Variants in RNF212B observed in about 807,000 individuals in gnomAD.
RNF212B encodes the protein ring finger protein 212B, also known as E3 ubiquitin-protein ligase RNF212B.
In RNF212B, 52 loss-of-function variants were observed where a neutral mutation model predicts 55.5. The observed-to-expected ratio is 0.94, with a 90% CI of 0.75 to 1.18. RNF212B has a LOEUF of 1.18. Among genes scored for constraint, RNF212B ranks in the 50% most tolerant of loss-of-function variants. The pLI is 0.00. For synonymous variants in RNF212B, 99 were observed against 121.4 expected (o/e 0.82, Z 1.21); for missense variants, 289 against 350.4 (o/e 0.82, Z 1.40).
chr14:23,245,017 T>G lies in RNF212B; in HGVS notation c.228+621T>G, dbSNP rs79400276. Among the ~76,000 whole-genome samples the G allele has an allele frequency of 3.3e-3, 497 of 152,326 alleles. 4 individuals carry two copies. The highest frequency in any genetic ancestry group is 0.011 in the African/African-American group (464 of 41,574). ...CAACCATTTGAGAGAGTTCCCAAGT[T>G]GTAAAAACTTTGGTTTTTTTCCTTC... is the stretch of plus-strand genomic sequence containing the variant. On this transcript the variant is annotated intron_variant, in intron 4 of 14. Coordinates refer to ENST00000430154, the MANE Select transcript of RNF212B (RefSeq NM_001282322.3).
At chr14:23,259,488 A>G (rs1182956723) in intron 5 of RNF212B, 1 of 143,930 alleles carries the variant, frequency 6.9e-6, no homozygotes, top group Non-Finnish European at 1.5e-5. Flanking sequence ...AAGCATTTAC[A>G]TGTTAACTTT....
intron 2 of RNF212B, among the ~76,000 whole-genome samples, chr14:23,200,894 C>T (rs1458446704): frequency 1.3e-5 from 2 of 152,156 alleles, no homozygotes; most frequent in East Asian, 3.8e-4. Context: ...TCTTATTGCA[C>T]TTATGCAACT....
chr14:23,208,940 A>G (rs1272844348), intron 2 of RNF212B, among the ~76,000 whole-genome samples: 2 of 151,122 alleles, frequency 1.3e-5, no homozygotes, highest in Non-Finnish European at 3.0e-5. Flanking sequence ...TTGTATTTTT[A>G]GTAGAGACGG....
intron 2 of RNF212B, among the ~76,000 whole-genome samples, chr14:23,222,862 G>T (rs960105983): frequency 3.3e-5 from 5 of 151,968 alleles, no homozygotes; most frequent in Admixed American, 6.6e-5. Context: ...AGACCTGCCT[G>T]GCTAACATGG....
intron 12 of RNF212B, 48 bp downstream of exon 12, chr14:23,269,011 ACT>A: frequency 6.7e-7 from 1 of 1,484,006 alleles, no homozygotes; most frequent in Non-Finnish European, 9.2e-7. Context: ...TCATACTTAA[ACT>A]CTGCCAGCAG....
intron 2 of RNF212B, among the ~76,000 whole-genome samples, chr14:23,199,151 G>A (rs1879029273): frequency 1.3e-5 from 2 of 152,302 alleles, no homozygotes; most frequent in African/African-American, 2.4e-5. Context: ...ACATGTGTCC[G>A]TGACAGCCTC....
upstream of RNF212B, among the ~76,000 whole-genome samples, chr14:23,234,440 C>T (rs1392423981): frequency 6.6e-6 from 1 of 151,938 alleles, no homozygotes; most frequent in Non-Finnish European, 1.5e-5. Flanking sequence ...CTATTATTTT[C>T]GTCTGGTACC....
intron 2 of RNF212B, among the ~76,000 whole-genome samples, chr14:23,221,259 C>A (rs73602407): frequency 6.7e-6 from 1 of 149,294 alleles, no homozygotes; most frequent in Non-Finnish European, 1.5e-5. Context: ...GAAAGAAACA[C>A]GCTTCACTTA....
At chr14:23,262,028 T>C (rs954170880) in intron 7 of RNF212B, among the ~76,000 whole-genome samples, 4 of 151,918 alleles carry the variant, frequency 2.6e-5, no homozygotes, top group South Asian at 2.1e-4. Flanking sequence ...CACACACACA[T>C]ATATATTTTT....
intron 2 of RNF212B, among the ~76,000 whole-genome samples, chr14:23,223,392 G>C (rs1881735378): frequency 6.6e-6 from 1 of 151,052 alleles, no homozygotes; most frequent in African/African-American, 2.4e-5. Flanking sequence ...GTCTTGCTCT[G>C]TCGCTCAGGC....
intron 4 of RNF212B, among the ~76,000 whole-genome samples, chr14:23,253,295 A>G (rs1312791099): frequency 6.6e-6 from 1 of 152,158 alleles, no homozygotes; most frequent in African/African-American, 2.4e-5. Context: ...TTGAGTTTCA[A>G]TAAAGGTATA....
chr14:23,238,807 A>T (rs1883342700), intron 1 of RNF212B, among the ~76,000 whole-genome samples: 2 of 150,680 alleles, frequency 1.3e-5, no homozygotes, highest in Non-Finnish European at 3.0e-5. Flanking sequence ...TTACAAAGTC[A>T]CATTTACTCA....
chr14:23,240,596 T>C (rs1594921014), intron 2 of RNF212B, among the ~76,000 whole-genome samples, 151 bp downstream of exon 2: 1 of 152,324 alleles, frequency 6.6e-6, no homozygotes, highest in African/African-American at 2.4e-5. Context: ...TTTTAGAAAT[T>C]GAAGGAATCC....
At position 23,232,256 on chromosome 14, in the gene RNF212B, C is replaced by T. The variant is rs558546984; in HGVS notation, c.-1-8089C>T. Among the ~76,000 whole-genome samples the T allele has an allele frequency of 3.6e-3, 541 of 151,478 alleles. 2 individuals carry two copies. The highest frequency in any genetic ancestry group is 6.0e-3 in the Non-Finnish European group (405 of 67,804). On this transcript the variant is annotated intron_variant, in intron 2 of 15. Coordinates refer to the RNF212B transcript ENST00000399910. ...TGTGGGGAGCGCCTCTGCCCCGCCGCCCCATCTGGGATGTGAGGAGCGCCT... is the reference window on the plus strand; with the variant it reads ...TGTGGGGAGCGCCTCTGCCCCGCCGTCCCATCTGGGATGTGAGGAGCGCCT...
intron 7 of RNF212B, 111 bp from the exon 8 acceptor site, chr14:23,262,553 TC>T (rs1405803409): frequency 2.8e-5 from 25 of 906,122 alleles, no homozygotes; most frequent in Non-Finnish European, 3.9e-5. Flanking sequence ...AAGCAATTTG[TC>T]CTCAGAGAGG....
intron 1 of RNF212B, among the ~76,000 whole-genome samples, chr14:23,188,487 G>T (rs558055496): frequency 6.7e-6 from 1 of 148,778 alleles, no homozygotes; most frequent in Non-Finnish European, 1.5e-5. Context: ...TAGAGATAGG[G>T]TCTCACTCTC....
At chr14:23,241,490 C>T (rs2140436936) in intron 2 of RNF212B, among the ~76,000 whole-genome samples, 1 of 152,180 alleles carries the variant, frequency 6.6e-6, no homozygotes, top group South Asian at 2.1e-4. Flanking sequence ...GTGGCACAAT[C>T]TTGGCTCACT....
intron 4 of RNF212B, among the ~76,000 whole-genome samples, chr14:23,248,644 G>C (rs1324429455): frequency 6.6e-6 from 1 of 150,742 alleles, no homozygotes; most frequent in Admixed American, 6.6e-5. Context: ...GTTTCACCGT[G>C]TTGGTCAGGC....
chr14:23,213,155 T>G (rs1164875817), intron 2 of RNF212B, among the ~76,000 whole-genome samples: 2 of 151,172 alleles, frequency 1.3e-5, no homozygotes, highest in African/African-American at 4.9e-5. Flanking sequence ...TACTAAAAAA[T>G]ACAAAAAATT....
Sources: allele counts gnomAD v4.1 joint callset (sites outside exome capture counted in the v4.1 genomes callset), GRCh38; gene constraint gnomAD v4.1.1; transcripts MANE v1.5; gene names NCBI Gene and HGNC (gene_info 2026-07-23, HGNC 2026-07-21).